Variants in DCLK1 observed in about 807,000 individuals in gnomAD.
The protein encoded by DCLK1 is doublecortin like kinase 1.
Under a neutral mutation model 86.2 loss-of-function variants are expected in DCLK1, and 16 were observed. The ratio of observed to expected loss-of-function variants is 0.19; its 90% CI spans 0.13 to 0.28. DCLK1 has a LOEUF of 0.28. Among genes scored for constraint, DCLK1 ranks in the 10% least tolerant of loss-of-function variants. The pLI is 1.00. For missense variants in DCLK1, 590 were observed against 940.2 expected (o/e 0.63, Z 4.87); for synonymous variants, 369 against 370.5 (o/e 1.00, Z 0.05).
intron 5 of DCLK1, among the ~76,000 whole-genome samples, chr13:35,857,945 C>T (rs1220936129): frequency 3.9e-5 from 6 of 152,080 alleles, no homozygotes; most frequent in African/African-American, 1.2e-4. Flanking sequence ...AGGCAGGGGC[C>T]GCATAGTGAG....
intron 3 of DCLK1, among the ~76,000 whole-genome samples, chr13:36,098,998 G>A (rs920810338): frequency 2.7e-5 from 4 of 148,544 alleles, no homozygotes; most frequent in South Asian, 2.1e-4. Context: ...AGAGAGTTTC[G>A]CTCTTGTTGC....
At chr13:35,794,344 T>TA (rs2086764330) in intron 15 of DCLK1, among the ~76,000 whole-genome samples, 1 of 148,948 alleles carries the variant, frequency 6.7e-6, no homozygotes, top group Non-Finnish European at 1.5e-5. Context: ...GAACAGATAA[T>TA]AGAGTGTTTG....
At chr13:36,052,956 A>G (rs1178532940) in intron 3 of DCLK1, among the ~76,000 whole-genome samples, 1 of 152,092 alleles carries the variant, frequency 6.6e-6, no homozygotes, top group Non-Finnish European at 1.5e-5. Context: ...TTCTTTGAGG[A>G]TGGGGTGCTT....
intron 4 of DCLK1, among the ~76,000 whole-genome samples, chr13:35,881,128 A>G (rs893630537): frequency 3.9e-5 from 6 of 152,200 alleles, no homozygotes; most frequent in Admixed American, 2.0e-4. Flanking sequence ...ATGACAGCCT[A>G]CCAGAAGGTA....
chr13:36,014,939 A>T (rs1173271853), intron 3 of DCLK1, among the ~76,000 whole-genome samples: 1 of 151,872 alleles, frequency 6.6e-6, no homozygotes, highest in African/African-American at 2.4e-5. Flanking sequence ...TGGCTTAAAC[A>T]TCCTTTTCCC....
chr13:35,879,363 T>A (rs1006858041), intron 4 of DCLK1, among the ~76,000 whole-genome samples: 1 of 152,172 alleles, frequency 6.6e-6, no homozygotes, highest in Non-Finnish European at 1.5e-5. Flanking sequence ...AGCAGAAACC[T>A]TATGTAACAT....
At chr13:36,070,377 C>G (rs561509534) in intron 3 of DCLK1, among the ~76,000 whole-genome samples, 1 of 152,270 alleles carries the variant, frequency 6.6e-6, no homozygotes, top group Admixed American at 6.5e-5. Context: ...AGTAACAGTA[C>G]TGGACTTCGC....
At chr13:36,014,176 G>C (rs568453405) in intron 3 of DCLK1, among the ~76,000 whole-genome samples, 3 of 152,162 alleles carry the variant, frequency 2.0e-5, no homozygotes, top group African/African-American at 7.2e-5. Context: ...CTTCTGCGTC[G>C]CTCACGCTGG....
At chr13:35,916,822 G>A (rs1593730335) in intron 4 of DCLK1, among the ~76,000 whole-genome samples, 1 of 152,132 alleles carries the variant, frequency 6.6e-6, no homozygotes. Context: ...ACGGCACCTT[G>A]GAAGGTGAGG....
At chr13:35,966,967 C>T (rs541954245) in intron 3 of DCLK1, among the ~76,000 whole-genome samples, 1 of 151,096 alleles carries the variant, frequency 6.6e-6, no homozygotes, top group Non-Finnish European at 1.5e-5. Context: ...GGCCGCCCAT[C>T]GTCTGGGATG....
rs959415300 is a variant in DCLK1 at position 35,774,767 on chromosome 13, A to G, written c.2059-68T>C. The G allele has an allele frequency of 5.2e-6, 8 of 1,525,690 alleles. No homozygotes were observed. In the African/African-American group the frequency reaches 9.7e-5, roughly 19 times the overall value. The allele number at this position is 1,525,690 out of a possible 1,614,324, so 94.5% of individuals were successfully genotyped here. A position where few individuals can be genotyped will look rare whatever the true frequency, so the allele number is the denominator to read the frequency against. ...GGAAATGGCAAAACAAACTCTTTCT[A>G]GAACTTTCTGAGGTCAGAAAAAATA... On this transcript the variant is annotated intron_variant, in intron 16 of 16. Coordinates refer to ENST00000360631, the MANE Select transcript of DCLK1 (RefSeq NM_001330071.2).
intron 3 of DCLK1, among the ~76,000 whole-genome samples, chr13:36,106,943 A>C (rs1222768184): frequency 6.6e-6 from 1 of 152,188 alleles, no homozygotes; most frequent in Non-Finnish European, 1.5e-5. Flanking sequence ...ATTAGATATT[A>C]AAGGCCAAAA....
intron 3 of DCLK1, among the ~76,000 whole-genome samples, chr13:36,051,226 T>A (rs1566660896): frequency 6.6e-6 from 1 of 152,182 alleles, no homozygotes; most frequent in Non-Finnish European, 1.5e-5. Context: ...CAGCTCATGT[T>A]TGCATAATCT....
intron 3 of DCLK1, among the ~76,000 whole-genome samples, chr13:35,958,269 A>ACCACCACCACCACCACCACCAG (rs1566620992): frequency 6.6e-6 from 1 of 151,472 alleles, no homozygotes; most frequent in African/African-American, 2.4e-5. Flanking sequence ...TACTATAACC[A>ACCACCACCACCACCACCACCAG]TTACCACCAT....
At chr13:35,913,089 C>T (rs1487857427) in intron 4 of DCLK1, among the ~76,000 whole-genome samples, 1 of 152,220 alleles carries the variant, frequency 6.6e-6, no homozygotes, top group Non-Finnish European at 1.5e-5. Context: ...TCACAAGGAG[C>T]TTCAAAGATA....
chr13:35,898,951 G>T (rs1429004155), intron 4 of DCLK1, among the ~76,000 whole-genome samples: 1 of 152,040 alleles, frequency 6.6e-6, no homozygotes, highest in East Asian at 1.9e-4. Flanking sequence ...ATGTTGCCCA[G>T]GCTGGTCTCA....
intron 8 of DCLK1, among the ~76,000 whole-genome samples, chr13:35,833,756 G>A (rs943222): frequency 2.6e-5 from 4 of 152,040 alleles, no homozygotes; most frequent in Non-Finnish European, 4.4e-5. Context: ...TTCTTAGCTC[G>A]CTTTTTATTT....
intron 12 of DCLK1, 74 bp from the exon 13 acceptor site, chr13:35,809,169 C>G: frequency 8.0e-7 from 1 of 1,246,772 alleles, no homozygotes; most frequent in Non-Finnish European, 1.1e-6. Flanking sequence ...AAATCAATGA[C>G]TTTCCTCCTC....
At chr13:36,007,252 C>T (rs1881018762) in intron 3 of DCLK1, among the ~76,000 whole-genome samples, 1 of 152,198 alleles carries the variant, frequency 6.6e-6, no homozygotes, top group African/African-American at 2.4e-5. Flanking sequence ...AAATCAAATC[C>T]ATGAATACCA....
Sources: gnomAD v4.1 joint callset for allele counts (sites outside exome capture counted in the v4.1 genomes callset) on GRCh38, gnomAD v4.1.1 for gene constraint, MANE v1.5 for transcripts, NCBI Gene and HGNC (gene_info 2026-07-23, HGNC 2026-07-21) for gene names.